The following ASTN2 variants were observed in gnomAD, a reference collection of about 807,000 sequenced individuals.
ASTN2 encodes the protein astrotactin 2.
In ASTN2, 54 loss-of-function variants were observed where a neutral mutation model predicts 139.8. That is an observed-to-expected ratio of 0.39 (90% CI 0.31 to 0.48). The LOEUF (loss-of-function observed/expected upper bound fraction) is 0.48. Among genes scored for constraint, ASTN2 ranks in the 20% least tolerant of loss-of-function variants. The pLI, the probability that ASTN2 is intolerant of heterozygous loss-of-function variation, is 0.95. For synonymous variants in ASTN2, 756 were observed against 719.5 expected, an observed-to-expected ratio of 1.05 and a Z score of -0.81; for missense variants, 1,565 against 1,725.1, an observed-to-expected ratio of 0.91 and a Z score of 1.64.
chr9:116,692,309 T>C (rs987616724), intron 16 of ASTN2, among the ~76,000 whole-genome samples: 11 of 152,198 alleles, frequency 7.2e-5, no homozygotes, highest in African/African-American at 1.2e-4. Flanking sequence ...GGTTTATGTA[T>C]CTGGGGCCTT....
rs143510052 is a variant in ASTN2, at chr9:117,050,598, T to A, written c.1277-10633A>T. On this transcript the variant is annotated intron_variant, in intron 5 of 22. Transcript: ENST00000313400. The stretch of plus-strand genomic sequence containing the variant: ...GGAAATGGAAGATCAAAGGGTTTAA[T>A]TGACTAGTAAGGAACAGAGCTAGAA... Among the ~76,000 whole-genome samples, 312 of 152,270 alleles carry A rather than the reference T, an allele frequency of 2.0e-3. 3 individuals carry two copies. Among genetic ancestry groups the A allele is most frequent in the African/African-American group, 7.0e-3 (291 of 41,560 alleles).
chr9:116,546,331 G>C (rs981013912), intron 19 of ASTN2, among the ~76,000 whole-genome samples: 9 of 152,108 alleles, frequency 5.9e-5, no homozygotes, highest in Non-Finnish European at 1.2e-4. Flanking sequence ...AACCCTCCCA[G>C]CAAGCATCTA....
chr9:116,533,047 T>A (rs1851431846), intron 19 of ASTN2, among the ~76,000 whole-genome samples: 2 of 152,228 alleles, frequency 1.3e-5, no homozygotes, highest in Non-Finnish European at 2.9e-5. Context: ...GAGCAGTGGT[T>A]TGTAGTTATC....
At chr9:116,445,382 G>A (rs1207519912) in intron 20 of ASTN2, among the ~76,000 whole-genome samples, 3 of 152,186 alleles carry the variant, frequency 2.0e-5, no homozygotes, top group East Asian at 1.9e-4. Context: ...TAGAAGAGAC[G>A]TATTTCAACC....
intron 5 of ASTN2, among the ~76,000 whole-genome samples, chr9:117,053,217 C>T (rs959141532): frequency 2.0e-4 from 31 of 151,970 alleles, no homozygotes; most frequent in Non-Finnish European, 1.3e-4. Flanking sequence ...TTTGTGAGGC[C>T]GAGGCAGGAA....
At chr9:117,291,206 C>G (rs957361947) in intron 2 of ASTN2, 120 bp downstream of exon 2, 39 of 1,297,620 alleles carry the variant, frequency 3.0e-5, no homozygotes, top group Non-Finnish European at 4.0e-5. Context: ...GTTTCTCATT[C>G]TAACCTCTTG....
At chr9:117,279,312 C>T (rs1184637465) in intron 2 of ASTN2, among the ~76,000 whole-genome samples, 1 of 152,192 alleles carries the variant, frequency 6.6e-6, no homozygotes, top group African/African-American at 2.4e-5. Context: ...TGGGCTCGGA[C>T]ACTGGCTATG....
chr9:117,208,754 T>C (rs1238732035), intron 3 of ASTN2, among the ~76,000 whole-genome samples: 1 of 151,950 alleles, frequency 6.6e-6, no homozygotes, highest in African/African-American at 2.4e-5. Flanking sequence ...AAAAGTCAGG[T>C]CACATAAAAG....
At chr9:116,948,492 A>G (rs10759876) in intron 10 of ASTN2, among the ~76,000 whole-genome samples, 1 of 151,926 alleles carries the variant, frequency 6.6e-6, no homozygotes, top group Non-Finnish European at 1.5e-5. Context: ...ACAAGATATT[A>G]CTGGTATAAC....
In ASTN2 at chr9:116,620,686, T is replaced by C. The variant is rs539663002; in HGVS notation, c.3073-243A>G. 2.6e-5 allele frequency among the ~76,000 whole-genome samples: 4 copies of C among 152,274 alleles called. No homozygotes were observed. In the East Asian group the frequency reaches 5.8e-4, roughly 22 times the overall value. On this transcript the variant is annotated intron_variant, in intron 17 of 22. Transcript: ENST00000313400. The stretch of plus-strand genomic sequence containing the variant: ...ATAGTAACTATATCCATTGATAGTG[T>C]CCCCTAGGCTTGGCACTCCACTTGT...
rs571605560 is a variant in ASTN2, at chr9:117,304,320, G to A, written c.443-12807C>T. 4.2e-4 allele frequency among the ~76,000 whole-genome samples: 64 copies of A among 152,246 alleles called. No individual in the cohort carries two copies. The South Asian group carries it at 6.4e-3, about 15-fold the overall frequency. On this transcript the variant is annotated intron_variant, in intron 1 of 22. Coordinates refer to ENST00000313400, the MANE Select transcript of ASTN2 (RefSeq NM_001365068.1). The stretch of plus-strand genomic sequence containing the variant: ...GGGGTTGGGCTTTCCTGCTCTGTGC[G>A]TGTCACGCTATATGTAATCATTGCT...
intron 19 of ASTN2, among the ~76,000 whole-genome samples, chr9:116,554,355 T>C (rs1161679151): frequency 6.6e-6 from 1 of 152,202 alleles, no homozygotes; most frequent in African/African-American, 2.4e-5. Flanking sequence ...CACTTTGGGA[T>C]CTGGTGTCAA....
chr9:116,964,958 T>C (rs745742915), intron 10 of ASTN2, among the ~76,000 whole-genome samples: 3 of 152,210 alleles, frequency 2.0e-5, no homozygotes, highest in Non-Finnish European at 2.9e-5. Flanking sequence ...GCAACCAAAG[T>C]TATCGCTTCA....
chr9:117,293,625 T>C (rs1251430427), intron 1 of ASTN2, among the ~76,000 whole-genome samples: 1 of 152,138 alleles, frequency 6.6e-6, no homozygotes, highest in East Asian at 1.9e-4. Context: ...GTAGGTCTCC[T>C]CTCAGCACCT....
intron 16 of ASTN2, among the ~76,000 whole-genome samples, chr9:116,673,482 A>C (rs1407990388): frequency 6.6e-6 from 1 of 152,248 alleles, no homozygotes. Context: ...TTGAAAGCCT[A>C]ATCTCCAGTA....
chr9:116,467,112 T>G (rs920589273), intron 20 of ASTN2, among the ~76,000 whole-genome samples: 17 of 152,216 alleles, frequency 1.1e-4, no homozygotes, highest in Non-Finnish European at 2.2e-4. Flanking sequence ...GAAAAGGGGT[T>G]TGGTGTGTTT....
chr9:116,642,507 T>C (rs1317066888), intron 17 of ASTN2, among the ~76,000 whole-genome samples: 1 of 152,054 alleles, frequency 6.6e-6, no homozygotes, highest in African/African-American at 2.4e-5. Flanking sequence ...ATGATGTAAA[T>C]GGAATTCTCA....
At chr9:117,092,056 T>C (rs1828720337) in intron 5 of ASTN2, among the ~76,000 whole-genome samples, 1 of 152,118 alleles carries the variant, frequency 6.6e-6, no homozygotes, top group African/African-American at 2.4e-5. Context: ...AATGACCCTG[T>C]GAAGGAGATG....
In ASTN2 at chr9:116,733,429, C is replaced by T. The variant is rs753918178; in HGVS notation, c.2491G>A (p.Glu831Lys). Residue 831 changes from glutamate to lysine, a missense_variant, in exon 14 of 23, where the codon GAG becomes AAG. Glu to Lys is a moderately conservative substitution (Grantham distance 56). This residue lies in a region of ASTN2 where 503 missense variants were observed against 591.7 expected (regional missense o/e 0.85). Coordinates refer to ENST00000313400, the MANE Select transcript of ASTN2 (RefSeq NM_001365068.1). Reference protein sequence around the residue: ...VEEQCRGVLSEPLPDLQLLTG... With the variant: ...VEEQCRGVLSKPLPDLQLLTG... ...AGCAGTTGGAGGTCTGGAAGGGGCT[C>T]GGAGAGGACCCCCCGGCACTGCTCC... 15 of 1,613,956 alleles carry T rather than the reference C, an allele frequency of 9.3e-6. No homozygotes were observed. Among genetic ancestry groups the T allele is most frequent in the Non-Finnish European group, 1.2e-5 (14 of 1,180,020 alleles).
Sources: allele counts gnomAD v4.1 joint callset (sites outside exome capture counted in the v4.1 genomes callset), GRCh38; gene constraint gnomAD v4.1.1; regional missense constraint gnomAD v4.1.1; transcripts MANE v1.5; gene names NCBI Gene and HGNC (gene_info 2026-07-23, HGNC 2026-07-21).